The following LRP1B variants were observed in gnomAD, a reference collection of about 807,000 sequenced individuals.
The protein encoded by LRP1B is LDL receptor related protein 1B.
LRP1B carries 217 observed loss-of-function variants against 556.6 expected under a neutral mutation model. The observed-to-expected ratio is 0.39, with a 90% CI of 0.35 to 0.44. LRP1B has a LOEUF of 0.44. Ranked by LOEUF, LRP1B falls within the 20% of genes least tolerant of loss-of-function variation. The probability of loss-of-function intolerance (pLI) is 1.00; values close to 1 mark genes in which losing one functional copy is unlikely to be tolerated. For missense variants in LRP1B, 5,053 were observed against 5,620.8 expected, an observed-to-expected ratio of 0.90 and a Z score of 3.23; for synonymous variants, 2,047 against 1,865.8, an observed-to-expected ratio of 1.10 and a Z score of -2.50.
At chr2:141,392,667 T>C (rs1203232513) in intron 3 of LRP1B, among the ~76,000 whole-genome samples, 1 of 152,070 alleles carries the variant, frequency 6.6e-6, no homozygotes, top group Non-Finnish European at 1.5e-5. Context: ...GGGATTTATT[T>C]TGAGACTGTC....
At chr2:140,728,848 C>G (rs766363729) in intron 35 of LRP1B, among the ~76,000 whole-genome samples, 1 of 152,026 alleles carries the variant, frequency 6.6e-6, no homozygotes, top group African/African-American at 2.4e-5. Context: ...AGTTACTTAA[C>G]CTTTCTTTTT....
chr2:140,868,073 T>G (rs755623648), intron 26 of LRP1B, 26 bp downstream of exon 26: 1 of 1,562,022 alleles, frequency 6.4e-7, no homozygotes, highest in South Asian at 1.2e-5. Context: ...AAAAAAAAAA[T>G]ACAGAAAAGA....
At chr2:141,889,143 G>T (rs1451785530) in intron 1 of LRP1B, among the ~76,000 whole-genome samples, 1 of 151,938 alleles carries the variant, frequency 6.6e-6, no homozygotes, top group Non-Finnish European at 1.5e-5. Context: ...AAAAGTCCCT[G>T]CAACTCTGTT....
intron 32 of LRP1B, among the ~76,000 whole-genome samples, chr2:140,789,210 G>GC (rs1485269753): frequency 6.6e-6 from 1 of 152,062 alleles, no homozygotes; most frequent in Admixed American, 6.5e-5. Flanking sequence ...CAAAACGGGA[G>GC]CCACTGAGAG....
chr2:142,015,991 C>CAAAAAAAAAA (rs70994471), intron 1 of LRP1B, among the ~76,000 whole-genome samples: 4,757 of 38,640 alleles, frequency 0.12, 1,515 homozygotes, highest in Middle Eastern at 0.23. Flanking sequence ...GACTCCATCT[C>CAAAAAAAAAA]AAAAAAAAAA....
chr2:140,785,888 C>T (rs1325567994), intron 32 of LRP1B, among the ~76,000 whole-genome samples: 21 of 152,148 alleles, frequency 1.4e-4, no homozygotes, highest in Admixed American at 1.4e-3. Context: ...CCCTCTCCAC[C>T]TCGATTGCTT....
rs6718542 is a variant in LRP1B, at chr2:141,158,924, T to A, written c.1013+29497A>T. On this transcript the variant is annotated intron_variant, in intron 7 of 90. Transcript: ENST00000389484. ...CTGGAGTTTTTATAGTCCAGAGTGG[T>A]TGCTGTTTATTTTAAATTACTTCTT... Among the ~76,000 whole-genome samples, 1,165 of 152,254 alleles carry A rather than the reference T, an allele frequency of 7.7e-3. 12 individuals carry two copies. The highest frequency in any genetic ancestry group is 0.027 in the African/African-American group (1,128 of 41,562).
chr2:141,032,373 T>C (rs533563123), intron 11 of LRP1B, among the ~76,000 whole-genome samples: 180 of 152,282 alleles, frequency 1.2e-3, no homozygotes, highest in Admixed American at 2.9e-3. Context: ...ATTGTGGAAT[T>C]GGTTTGAATC....
At position 141,377,498 on chromosome 2, in the gene LRP1B, G is replaced by A. The variant is rs376230593; in HGVS notation, c.343+102898C>T. Among the ~76,000 whole-genome samples the A allele has an allele frequency of 1.1e-4, 17 of 152,038 alleles. 1 individual carries two copies. In the East Asian group the frequency reaches 1.3e-3, roughly 12 times the overall value. On this transcript the variant is annotated intron_variant, in intron 3 of 90. Coordinates refer to ENST00000389484, the MANE Select transcript of LRP1B (RefSeq NM_018557.3). ...TTTTCTAAACAAAGATTTGAAAAGT[G>A]TAATTTCCTCCCCAATTTTTTAGTT...
chr2:140,584,633 C>G (rs1681910002), intron 43 of LRP1B, among the ~76,000 whole-genome samples: 1 of 152,124 alleles, frequency 6.6e-6, no homozygotes, highest in African/African-American at 2.4e-5. Flanking sequence ...GCCCTAGATA[C>G]TGACCATTAT....
At chr2:141,213,454 C>T (rs995222097) in intron 6 of LRP1B, among the ~76,000 whole-genome samples, 8 of 152,090 alleles carry the variant, frequency 5.3e-5, no homozygotes, top group South Asian at 2.1e-4. Context: ...AAGATGTACT[C>T]GCACACACCC....
At chr2:141,750,889 G>A (rs1694085167) in intron 2 of LRP1B, among the ~76,000 whole-genome samples, 1 of 152,002 alleles carries the variant, frequency 6.6e-6, no homozygotes, top group African/African-American at 2.4e-5. Flanking sequence ...GAGCTGAAAA[G>A]AGTAGGCAGC....
rs146720771 is a variant in LRP1B, at chr2:141,127,533, T to C, written c.1013+60888A>G. Among the ~76,000 whole-genome samples the C allele has an allele frequency of 5.2e-3, 795 of 152,264 alleles. 8 individuals are homozygous for C. Among genetic ancestry groups the C allele is most frequent in the Non-Finnish European group, 6.5e-3 (443 of 68,014 alleles). On this transcript the variant is annotated intron_variant, in intron 7 of 90. Transcript: ENST00000389484. ...GACTGGATAAGGGAAATGTGGCACA[T>C]ATACACCATGGAATACTATGCAGCC...
At chr2:140,262,040 T>A (rs1681966434) in intron 86 of LRP1B, among the ~76,000 whole-genome samples, 1 of 151,996 alleles carries the variant, frequency 6.6e-6, no homozygotes, top group African/African-American at 2.4e-5. Context: ...ATAGAGAACC[T>A]TTACTAATTT....
In LRP1B at chr2:140,492,632, G is replaced by A; in HGVS notation, c.9096C>T (p.Gly3032=). 3 of 1,613,482 alleles carry A rather than the reference G, an allele frequency of 1.9e-6. No homozygotes were observed. The highest frequency in any genetic ancestry group is 2.5e-6 in the Non-Finnish European group (3 of 1,179,520). Residue 3032 remains glycine (G), a synonymous_variant, in exon 57 of 91, where the codon GGC becomes GGT. Transcript: ENST00000389484. Reference sequence around the variant, plus strand: ...CCTGTTTTAAAAGTGTGTAGTTGGAGCCATCAGTGCTAATTTTCCTTATCT... The same window carrying A: ...CCTGTTTTAAAAGTGTGTAGTTGGAACCATCAGTGCTAATTTTCCTTATCT... ...HHEIRKISTD[G]SNYTLLKQGL...
chr2:141,491,082 C>G (rs963329391), intron 2 of LRP1B, among the ~76,000 whole-genome samples: 2 of 152,004 alleles, frequency 1.3e-5, no homozygotes, highest in South Asian at 4.2e-4. Flanking sequence ...ATTACAAGCC[C>G]TCTGTGAAAA....
At chr2:141,963,492 C>A (rs897323309) in intron 1 of LRP1B, among the ~76,000 whole-genome samples, 7 of 151,652 alleles carry the variant, frequency 4.6e-5, no homozygotes, top group Non-Finnish European at 8.8e-5. Flanking sequence ...AAGACAAAAA[C>A]CACATGATTA....
At chr2:140,899,593 T>G (rs773506718) in intron 23 of LRP1B, among the ~76,000 whole-genome samples, 2 of 152,210 alleles carry the variant, frequency 1.3e-5, no homozygotes, top group Non-Finnish European at 2.9e-5. Flanking sequence ...ATGGTTAATC[T>G]AAGGATTTAT....
intron 6 of LRP1B, among the ~76,000 whole-genome samples, chr2:141,228,147 C>A (rs1683316366): frequency 6.6e-6 from 1 of 152,136 alleles, no homozygotes; most frequent in Non-Finnish European, 1.5e-5. Context: ...GAACCCCTAA[C>A]CTCAGATGAT....
Sources: allele counts gnomAD v4.1 joint callset (sites outside exome capture counted in the v4.1 genomes callset), GRCh38; gene constraint gnomAD v4.1.1; transcripts MANE v1.5; gene names NCBI Gene and HGNC (gene_info 2026-07-23, HGNC 2026-07-21).